The following PITPNA variants were observed in gnomAD, a reference collection of about 807,000 sequenced individuals.
PITPNA encodes the protein phosphatidylinositol transfer protein alpha isoform.
In PITPNA, 13 loss-of-function variants were observed where a neutral mutation model predicts 50.3. That is an observed-to-expected ratio of 0.26 (90% CI 0.17 to 0.41). The LOEUF is 0.41. PITPNA is among the 10% of genes least tolerant of loss of function. The pLI is 1.00. For synonymous variants in PITPNA, 120 were observed against 119.6 expected, an observed-to-expected ratio of 1.00 and a Z score of -0.02; for missense variants, 207 against 333.4, an observed-to-expected ratio of 0.62 and a Z score of 2.95.
chr17:1,522,561 C>T lies in PITPNA; in HGVS notation c.769-916G>A, dbSNP rs149641108. 2.0e-4 allele frequency among the ~76,000 whole-genome samples: 31 copies of T among 152,092 alleles called. No homozygotes were observed. In the East Asian group the frequency reaches 2.3e-3, roughly 11 times the overall value. On this transcript the variant is annotated intron_variant, in intron 10 of 11. Transcript: ENST00000313486. The stretch of plus-strand genomic sequence containing the variant: ...CTAATTTTTGTATTTTTAGGGGAGA[C>T]GGGGTTTCACCATTTTGGCCAGGCT...
intron 10 of PITPNA, among the ~76,000 whole-genome samples, chr17:1,531,168 C>T (rs542780821): frequency 7.2e-5 from 11 of 152,198 alleles, no homozygotes; most frequent in Non-Finnish European, 1.3e-4. Context: ...AAAGTTAAAG[C>T]GAATCAATGG....
At chr17:1,524,255 A>G (rs1198400460) in intron 10 of PITPNA, among the ~76,000 whole-genome samples, 5 of 148,362 alleles carry the variant, frequency 3.4e-5, no homozygotes, top group East Asian at 4.1e-4. Context: ...CATGTTAGCC[A>G]GGATGGTCTC....
chr17:1,540,587 T>C (rs2075643031), intron 6 of PITPNA, among the ~76,000 whole-genome samples: 1 of 150,330 alleles, frequency 6.7e-6, no homozygotes. Context: ...CGGGCCTTTT[T>C]TTTCTCTTTT....
intron 6 of PITPNA, among the ~76,000 whole-genome samples, chr17:1,540,703 C>T (rs1394667955): frequency 1.3e-5 from 2 of 152,032 alleles, no homozygotes; most frequent in Non-Finnish European, 2.9e-5. Context: ...ATTCTCCTGC[C>T]TCAGCCTCCT....
At chr17:1,552,939 G>A in intron 3 of PITPNA, 65 bp downstream of exon 3, 1 of 1,534,286 alleles carries the variant, frequency 6.5e-7, no homozygotes, top group East Asian at 2.3e-5. Context: ...AAACAATAAA[G>A]GAAATAACAC....
intron 10 of PITPNA, among the ~76,000 whole-genome samples, chr17:1,531,656 T>G (rs1040584716): frequency 2.7e-5 from 4 of 149,548 alleles, no homozygotes; most frequent in African/African-American, 9.8e-5. Flanking sequence ...GAACACAACC[T>G]CACCTCTTAA....
intron 10 of PITPNA, among the ~76,000 whole-genome samples, chr17:1,529,532 G>A (rs1016319055): frequency 2.6e-5 from 4 of 151,658 alleles, no homozygotes; most frequent in African/African-American, 9.7e-5. Context: ...GACACAGCAA[G>A]GTTCTGTCTC....
At chr17:1,527,041 A>G (rs2075552045) in intron 10 of PITPNA, among the ~76,000 whole-genome samples, 1 of 151,826 alleles carries the variant, frequency 6.6e-6, no homozygotes, top group Non-Finnish European at 1.5e-5. Flanking sequence ...TACAGGTGTG[A>G]GCCATCGCAC....
chr17:1,525,558 G>A (rs1243117259), intron 10 of PITPNA, among the ~76,000 whole-genome samples: 4 of 131,340 alleles, frequency 3.0e-5, no homozygotes, highest in South Asian at 2.3e-4. Flanking sequence ...TCGCTCTGTC[G>A]CCCAGGCTAG....
At chr17:1,558,150 G>C (rs1263323420) in intron 2 of PITPNA, among the ~76,000 whole-genome samples, 1 of 146,974 alleles carries the variant, frequency 6.8e-6, no homozygotes. Context: ...AGAATAGCTT[G>C]AACCCACGAG....
chr17:1,535,824 C>T (rs906738734), intron 7 of PITPNA: 1 of 359,138 alleles, frequency 2.8e-6, no homozygotes, highest in Non-Finnish European at 5.1e-6. Context: ...GGTGAGCATC[C>T]AGATCACCAG....
At chr17:1,532,779 G>T (rs1203421626) in intron 10 of PITPNA, among the ~76,000 whole-genome samples, 1 of 152,158 alleles carries the variant, frequency 6.6e-6, no homozygotes, top group East Asian at 1.9e-4. Flanking sequence ...GATCCTTAGC[G>T]AAAGAATCAG....
chr17:1,527,204 A>G (rs1276230375), intron 10 of PITPNA, among the ~76,000 whole-genome samples: 1 of 152,180 alleles, frequency 6.6e-6, no homozygotes, highest in Admixed American at 6.5e-5. Context: ...GGCTGAAGAA[A>G]ATGTGTATGT....
Position 1,521,239 on chromosome 17 carries a change from C to T in PITPNA, c.*22+340G>A, listed in dbSNP as rs567198396. ...GGCAGCTTTTGGGAGCTGGCGCTGGCGTGGGAAGGCCAGGGAGTGCCCAAC... is the reference window on the plus strand; with the variant it reads ...GGCAGCTTTTGGGAGCTGGCGCTGGTGTGGGAAGGCCAGGGAGTGCCCAAC... On this transcript the variant is annotated intron_variant, in intron 11 of 11. Coordinates refer to ENST00000313486, the MANE Select transcript of PITPNA (RefSeq NM_006224.4). 5.0e-4 allele frequency among the ~76,000 whole-genome samples: 76 copies of T among 152,234 alleles called. 1 individual carries two copies. The East Asian group carries it at 0.012, about 23-fold the overall frequency.
rs987113543 is a variant in PITPNA at position 1,518,867 on chromosome 17, C to G, written c.*1694G>C. On this transcript the variant is annotated 3_prime_UTR_variant, in exon 12 of 12. Transcript: ENST00000313486. ...ATGCCTCTTCTCCAACTTTCCAAGT[C>G]AGATAAATGCTACCAGCAGTTGAGA... 1.3e-5 allele frequency: 2 copies of G among 152,234 alleles called. No homozygotes were observed. Among genetic ancestry groups the G allele is most frequent in the Non-Finnish European group, 2.9e-5 (2 of 68,038 alleles). The allele number at this position is 152,234 out of a possible 1,614,324, so 9.4% of individuals were successfully genotyped here.
chr17:1,528,286 A>G (rs2075559916), intron 10 of PITPNA, among the ~76,000 whole-genome samples: 2 of 152,134 alleles, frequency 1.3e-5, no homozygotes, highest in Non-Finnish European at 2.9e-5. Context: ...GATTACAGGC[A>G]CACACCACCA....
chr17:1,556,462 A>G (rs1478147397), intron 2 of PITPNA, among the ~76,000 whole-genome samples: 2 of 152,058 alleles, frequency 1.3e-5, no homozygotes, highest in Non-Finnish European at 2.9e-5. Flanking sequence ...TCTTGGCCCC[A>G]CCATAAGCCA....
rs1339229557 is a variant in PITPNA, at chr17:1,518,810, T to C, written c.*1751A>G. The C allele has an allele frequency of 2.6e-5, 4 of 152,348 alleles. No homozygotes were observed. Among genetic ancestry groups the C allele is most frequent in the Non-Finnish European group, 5.9e-5 (4 of 68,030 alleles). 9.4% of individuals were successfully genotyped at this position (152,348 alleles called of 1,614,324 possible). ...TAATGAATAGCTAACACAGAGCTTA[T>C]AGGAAAACACTGACATTTTTCTCCA... On this transcript the variant is annotated 3_prime_UTR_variant, in exon 12 of 12. Coordinates refer to ENST00000313486, the MANE Select transcript of PITPNA (RefSeq NM_006224.4).
chr17:1,539,099 T>A (rs2075634176), intron 6 of PITPNA, 147 bp from the exon 7 acceptor site: 2 of 606,748 alleles, frequency 3.3e-6, no homozygotes, highest in Non-Finnish European at 5.8e-6. Context: ...CATACAAAAT[T>A]ATCCAAAGAA....
Sources: gnomAD v4.1 joint callset for allele counts (sites outside exome capture counted in the v4.1 genomes callset) on GRCh38, gnomAD v4.1.1 for gene constraint, MANE v1.5 for transcripts, NCBI Gene and HGNC (gene_info 2026-07-23, HGNC 2026-07-21) for gene names.